ZNF281: variants seen among roughly 807,000 people sequenced by gnomAD.
ZNF281 encodes GC-box-binding zinc finger protein 1.
ZNF281 carries 2 observed loss-of-function variants against 58.8 expected under a neutral mutation model. The observed-to-expected ratio is 0.03, with a 90% CI of 0.01 to 0.11. The LOEUF is 0.11. Ranked by LOEUF, ZNF281 falls within the 10% of genes least tolerant of loss-of-function variation. ZNF281 has a pLI of 1.00. For synonymous variants in ZNF281, 465 were observed against 407.7 expected (o/e 1.14, Z -1.69); for missense variants, 975 against 1,090.7 (o/e 0.89, Z 1.49).
rs866680305 is a variant in ZNF281, at chr1:200,408,326, C to G, written c.1380G>C (p.Lys460Asn). The G allele has an allele frequency of 2.5e-6, 4 of 1,613,314 alleles. No individual in the cohort carries two copies. In the Middle Eastern group the frequency reaches 4.9e-4, roughly 200 times the overall value. The change falls in exon 2 of 2, where the codon AAG (lysine) becomes AAC (asparagine). Residue 460 changes from lysine (K) to asparagine (N), a missense_variant. Physicochemically the swap from Lys to Asn is moderately conservative, Grantham distance 94 (BLOSUM62 0). Coordinates refer to ENST00000367353, the MANE Select transcript of ZNF281 (RefSeq NM_001281293.2). Reference sequence around the variant, plus strand: ...TCTTAAAGATCAATTTTGGCACCCTCTTCTGCAGTTCATCTATTCCAGTGC... The same window carrying G: ...TCTTAAAGATCAATTTTGGCACCCTGTTCTGCAGTTCATCTATTCCAGTGC... ...IIGTGIDELQ[K>N]RVPKLIFKKG...
In ZNF281 at chr1:200,407,902, T is replaced by A; in HGVS notation, c.1804A>T (p.Ile602Phe). The change falls in exon 2 of 2, where the codon ATT becomes TTT. Residue 602 changes from isoleucine to phenylalanine, a missense_variant. Physicochemically the swap from Ile to Phe is conservative, Grantham distance 21 (BLOSUM62 0). Coordinates refer to ENST00000367353, the MANE Select transcript of ZNF281 (RefSeq NM_001281293.2). ...EIKSCHDKSG[I>F]PDEVLQSILD... The stretch of plus-strand genomic sequence containing the variant: ...ATACTTTGTAAAACCTCATCAGGAA[T>A]TCCAGACTTGTCATGACAAGATTTA... The A allele has an allele frequency of 6.2e-7, 1 of 1,614,144 alleles. No homozygotes were observed. The highest frequency in any genetic ancestry group is 8.5e-7 in the Non-Finnish European group (1 of 1,180,022).
rs760762849 is a variant in ZNF281 at position 200,407,659 on chromosome 1, T to C, written c.2047A>G (p.Ser683Gly). Residue 683 changes from serine to glycine, a missense_variant, in exon 2 of 2, where the codon AGT (serine) becomes GGT (glycine). By Grantham distance (56) the Ser-to-Gly change is moderately conservative. Transcript: ENST00000367353. ...TGGAAACCGTGTCCAAGAGTAAAAC[T>C]TGCATTAGTGGATTTTTCAAAAGCC... ...QQAFEKSTNA[S>G]FTLGHGFQFV... 3.6e-5 allele frequency: 58 copies of C among 1,614,064 alleles called. No individual in the cohort carries two copies. In the East Asian group the frequency reaches 1.1e-3, roughly 32 times the overall value.
rs771277297 is a variant in ZNF281 at position 200,407,614 on chromosome 1, G to A, written c.2092C>T (p.Pro698Ser). 2.7e-5 allele frequency: 44 copies of A among 1,614,114 alleles called. No individual in the cohort carries two copies. Among genetic ancestry groups the A allele is most frequent in the Non-Finnish European group, 3.6e-5 (43 of 1,180,042 alleles). Reference protein sequence around the residue: ...HGFQFVSLSSPLHNHTLFPEK... With the variant: ...HGFQFVSLSSSLHNHTLFPEK... The stretch of plus-strand genomic sequence containing the variant: ...GGAAACAAAGTGTGGTTGTGGAGAG[G>A]TGAAGACAAACTGACAAATTGGAAA... The change falls in exon 2 of 2, where the codon CCT becomes TCT. Residue 698 changes from proline (P) to serine (S), a missense_variant. Transcript: ENST00000367353.
chr1:200,407,149 A>G lies in ZNF281; in HGVS notation c.2557T>C (p.Ser853Pro). 1.2e-6 allele frequency: 2 copies of G among 1,614,134 alleles called. No homozygotes were observed. The highest frequency in any genetic ancestry group is 1.7e-6 in the Non-Finnish European group (2 of 1,180,026). ...SRVPMTFITN[S>P]NGEVDHRVRT... ...ACTCTATGGTCCACTTCTCCATTAG[A>G]GTTAGTGATAAAGGTCATTGGCACC... Residue 853 changes from serine (S) to proline (P), a missense_variant, in exon 2 of 2, where the codon TCT (serine) becomes CCT (proline). Physicochemically the swap from Ser to Pro is moderately conservative, Grantham distance 74. Coordinates refer to ENST00000367353, the MANE Select transcript of ZNF281 (RefSeq NM_001281293.2).
At position 200,406,759 on chromosome 1, in the gene ZNF281, C is replaced by A; in HGVS notation, c.*259G>T. On this transcript the variant is annotated 3_prime_UTR_variant, in exon 2 of 2. Coordinates refer to ENST00000367353, the MANE Select transcript of ZNF281 (RefSeq NM_001281293.2). ...TTAAAACATTTGGGCTATTCCCTGA[C>A]GATCTATACATGTAAATTTGATTGC... The A allele has an allele frequency of 3.6e-6, 1 of 280,596 alleles. No individual in the cohort carries two copies. The highest frequency in any genetic ancestry group is 6.5e-6 in the Non-Finnish European group (1 of 153,646). The allele number at this position is 280,596 out of a possible 1,614,324, so 17.4% of individuals were successfully genotyped here. A position where few individuals can be genotyped will look rare whatever the true frequency, so the allele number is the denominator to read the frequency against.
rs1210470293 is a variant in ZNF281 at position 200,409,680 on chromosome 1, C to G, written c.26G>C (p.Ser9Thr). 6.3e-7 allele frequency: 1 copy of G among 1,578,708 alleles called. No individual in the cohort carries two copies. The highest frequency in any genetic ancestry group is 8.6e-7 in the Non-Finnish European group (1 of 1,164,572). Residue 9 changes from serine to threonine, a missense_variant, in exon 2 of 2, where the codon AGT becomes ACT. Physicochemically the swap from Ser to Thr is moderately conservative, Grantham distance 58. Around this residue, in one of 3 missense-constraint regions of ZNF281, gnomAD observed 370 missense variants for 360.9 expected, o/e 1.03. Transcript: ENST00000367353. ...GCTACTGCCGGTACCTCCGCCGCCA[C>G]TCAGGAACCCACTGCCGATTTTCAT... Reference protein sequence around the residue: MKIGSGFLSGGGGTGSSGG... With the variant: MKIGSGFLTGGGGTGSSGG...
rs903414026 is a variant in ZNF281 at position 200,409,474 on chromosome 1, A to G, written c.232T>C (p.Leu78=). ...GGGGCTGCGGAGGTAGAGGAGGATA[A>G]CACGCATTGCGGGGGAGGGGCGGCC... ...GSAAPPPQCV[L]SSSTSAAPAA... is the part of the protein sequence containing the mutation. The change falls in exon 2 of 2, where the codon TTA becomes CTA. Residue 78 remains leucine, a synonymous_variant. Coordinates refer to ENST00000367353, the MANE Select transcript of ZNF281 (RefSeq NM_001281293.2). 5 of 1,546,480 alleles carry G rather than the reference A, an allele frequency of 3.2e-6. No homozygotes were observed. The Admixed American group carries it at 7.9e-5, about 24-fold the overall frequency.
At position 200,407,515 on chromosome 1, in the gene ZNF281, A is replaced by T. The variant is rs761488508; in HGVS notation, c.2191T>A (p.Ser731Thr). Residue 731 changes from serine (S) to threonine (T), a missense_variant, in exon 2 of 2, where the codon TCA (serine) becomes ACA (threonine). By Grantham distance (58) the Ser-to-Thr change is moderately conservative (BLOSUM62 1). This residue lies in a region of ZNF281 where 579 missense variants were observed against 608.9 expected (regional missense o/e 0.95). Coordinates refer to ENST00000367353, the MANE Select transcript of ZNF281 (RefSeq NM_001281293.2). ...ATCCCAAAAGGAGGCTTTGGCAATG[A>T]AGATGGCAACACTGAGGTAACAGAT... Reference protein sequence around the residue: ...GQSVTSVLPSSLPKPPFGMLF... With the variant: ...GQSVTSVLPSTLPKPPFGMLF... 5.0e-6 allele frequency: 8 copies of T among 1,614,208 alleles called. No homozygotes were observed. Among genetic ancestry groups the T allele is most frequent in the Non-Finnish European group, 6.8e-6 (8 of 1,180,040 alleles).
Position 200,406,929 on chromosome 1 carries a change from A to G in ZNF281, c.*89T>C. 8 of 1,294,842 alleles carry G rather than the reference A, an allele frequency of 6.2e-6. No homozygotes were observed. Among genetic ancestry groups the G allele is most frequent in the Non-Finnish European group, 8.4e-6 (8 of 951,914 alleles). The allele number at this position is 1,294,842 out of a possible 1,614,324, so 80.2% of individuals were successfully genotyped here. On this transcript the variant is annotated 3_prime_UTR_variant, in exon 2 of 2. Coordinates refer to ENST00000367353, the MANE Select transcript of ZNF281 (RefSeq NM_001281293.2). Reference sequence around the variant, plus strand: ...GAAAGGGCATCACATTATTCTTAATAGGATCGTGTAGAAACATTCCAATGG... The same window carrying G: ...GAAAGGGCATCACATTATTCTTAATGGGATCGTGTAGAAACATTCCAATGG...
Position 200,410,034 on chromosome 1 carries a change from A to C in ZNF281, c.-107T>G. Reference sequence around the variant, plus strand: ...CAATGGAATTAAAAGCCTCCCGTGTACTGCGCAGCCGCGGCGCAGTGTCTG... The same window carrying C: ...CAATGGAATTAAAAGCCTCCCGTGTCCTGCGCAGCCGCGGCGCAGTGTCTG... On this transcript the variant is annotated 5_prime_UTR_variant, in exon 1 of 2. Transcript: ENST00000367353. 1 of 425,020 alleles carries C rather than the reference A, an allele frequency of 2.4e-6. No individual in the cohort carries two copies. The highest frequency in any genetic ancestry group is 4.2e-6 in the Non-Finnish European group (1 of 236,610). 26.3% of individuals were successfully genotyped at this position (425,020 alleles called of 1,614,324 possible).
Position 200,408,523 on chromosome 1 carries a change from A to G in ZNF281, c.1183T>C (p.Ser395Pro). 9 of 1,614,206 alleles carry G rather than the reference A, an allele frequency of 5.6e-6. No individual in the cohort carries two copies. Among genetic ancestry groups the G allele is most frequent in the South Asian group, 2.2e-5 (2 of 91,074 alleles). The change falls in exon 2 of 2, where the codon TCT becomes CCT. Residue 395 changes from serine (S) to proline (P), a missense_variant. Ser to Pro is a moderately conservative substitution (Grantham distance 74, BLOSUM62 -1). This residue lies in a region of ZNF281 where 579 missense variants were observed against 608.9 expected (regional missense o/e 0.95). Transcript: ENST00000367353. ...CTTGAAGAACTTGTATTTCCCTGAG[A>G]CAACACAGCCAGATTACCCATATTG... ...HTNMGNLAVL[S>P]QGNTSSSRRK...
Position 200,407,796 on chromosome 1 carries a change from G to T in ZNF281, c.1910C>A (p.Thr637Asn). Residue 637 changes from threonine (T) to asparagine (N), a missense_variant, in exon 2 of 2, where the codon ACC becomes AAC. Thr to Asn is a moderately conservative substitution (Grantham distance 65). This residue lies in a region of ZNF281 where 579 missense variants were observed against 608.9 expected (regional missense o/e 0.95). Transcript: ENST00000367353. ...NIAEPRVDLH[T>N]SGEHSELVQE... ...AACCAATTCTGAGTGTTCTCCTGAGGTGTGTAAATCCACTCGTGGTTCTGC... is the reference window on the plus strand; with the variant it reads ...AACCAATTCTGAGTGTTCTCCTGAGTTGTGTAAATCCACTCGTGGTTCTGC... 1.2e-6 allele frequency: 2 copies of T among 1,614,150 alleles called. No homozygotes were observed. Among genetic ancestry groups the T allele is most frequent in the Non-Finnish European group, 1.7e-6 (2 of 1,180,032 alleles).
At chr1:200,409,775 G>A (rs1026819525) in intron 1 of ZNF281, 52 bp from the exon 2 acceptor site, 119 of 1,522,372 alleles carry the variant, frequency 7.8e-5, no homozygotes, top group Non-Finnish European at 9.7e-5. Flanking sequence ...GTGGAACCGG[G>A]CCCCGGGCCG....
Position 200,407,074 on chromosome 1 carries a change from C to T in ZNF281, c.2632G>A (p.Val878Ile), listed in dbSNP as rs764700174. 5 of 1,613,978 alleles carry T rather than the reference C, an allele frequency of 3.1e-6. No homozygotes were observed. Among genetic ancestry groups the T allele is most frequent in the East Asian group, 4.5e-5 (2 of 44,896 alleles). Residue 878 changes from valine (V) to isoleucine (I), a missense_variant, in exon 2 of 2, where the codon GTA (valine) becomes ATA (isoleucine). This residue lies in a region of ZNF281 where 579 missense variants were observed against 608.9 expected (regional missense o/e 0.95). Transcript: ENST00000367353. ...FSGYTNMMSD[V>I]SEPCSTRVKT... Reference sequence around the variant, plus strand: ...ACTCTTGTACTACATGGCTCACTTACATCAGACATCATATTTGTATACCCT... The same window carrying T: ...ACTCTTGTACTACATGGCTCACTTATATCAGACATCATATTTGTATACCCT...
In ZNF281 at chr1:200,408,452, C is replaced by T. The variant is rs1394016607; in HGVS notation, c.1254G>A (p.Gln418=). The stretch of plus-strand genomic sequence containing the variant: ...GCGATTCATTTGTTTTACCGGTCTT[C>T]TGTTCCTTATTTTCAATAGCTATGC... The part of the protein sequence containing the change: ...SKSIAIENKE[Q]KTGKTNESQI... The change falls in exon 2 of 2, where the codon CAG becomes CAA. Residue 418 remains glutamine (Q), a synonymous_variant. Coordinates refer to ENST00000367353, the MANE Select transcript of ZNF281 (RefSeq NM_001281293.2). 1 of 1,614,146 alleles carries T rather than the reference C, an allele frequency of 6.2e-7. No individual in the cohort carries two copies. Among genetic ancestry groups the T allele is most frequent in the Non-Finnish European group, 8.5e-7 (1 of 1,180,028 alleles).
chr1:200,408,563 C>T lies in ZNF281; in HGVS notation c.1143G>A (p.Gly381=), dbSNP rs1358462472. The T allele has an allele frequency of 6.2e-7, 1 of 1,614,184 alleles. No individual in the cohort carries two copies. The highest frequency in any genetic ancestry group is 1.7e-5 in the Admixed American group (1 of 60,022). ...IVKGATSAEP[G]SSNHTNMGNL... is the part of the protein sequence containing the mutation. ...TACCCATATTGGTATGGTTTGATGA[C>T]CCAGGTTCTGCACTAGTGGCTCCTT... is the stretch of plus-strand genomic sequence containing the variant. Residue 381 remains glycine (G), a synonymous_variant, in exon 2 of 2, where the codon GGG becomes GGA. Transcript: ENST00000367353.
chr1:200,407,289 G>A lies in ZNF281; in HGVS notation c.2417C>T (p.Pro806Leu), dbSNP rs1432801690. 2 of 1,614,026 alleles carry A rather than the reference G, an allele frequency of 1.2e-6. No individual in the cohort carries two copies. The highest frequency in any genetic ancestry group is 3.3e-5 in the Admixed American group (2 of 60,000). Residue 806 changes from proline (P) to leucine (L), a missense_variant, in exon 2 of 2, where the codon CCA becomes CTA. Physicochemically the swap from Pro to Leu is moderately conservative, Grantham distance 98. Transcript: ENST00000367353. ...NLESSTGFQIPSQELASQIDP... is the reference protein window; with the variant it reads ...NLESSTGFQILSQELASQIDP... ...TATCTGGCTAGCTAACTCCTGAGAT[G>A]GAATCTGAAAGCCTGTTGAAGACTC...
chr1:200,406,931 G>A lies in ZNF281; in HGVS notation c.*87C>T. On this transcript the variant is annotated 3_prime_UTR_variant, in exon 2 of 2. Coordinates refer to ENST00000367353, the MANE Select transcript of ZNF281 (RefSeq NM_001281293.2). ...AAGGGCATCACATTATTCTTAATAG[G>A]ATCGTGTAGAAACATTCCAATGGCA... 1.5e-6 allele frequency: 2 copies of A among 1,317,060 alleles called. No individual in the cohort carries two copies. Among genetic ancestry groups the A allele is most frequent in the Admixed American group, 2.4e-5 (1 of 41,948 alleles). 81.6% of individuals were successfully genotyped at this position (1,317,060 alleles called of 1,614,324 possible).
At position 200,407,775 on chromosome 1, in the gene ZNF281, A is replaced by G. The variant is rs1398008665; in HGVS notation, c.1931T>C (p.Leu644Ser). ...DLHTSGEHSE[L>S]VQEENLSPGT... is the part of the protein sequence containing the mutation. ...TGGGCTCAAATTTTCTTCTTGAACCAATTCTGAGTGTTCTCCTGAGGTGTG... is the reference window on the plus strand; with the variant it reads ...TGGGCTCAAATTTTCTTCTTGAACCGATTCTGAGTGTTCTCCTGAGGTGTG... The change falls in exon 2 of 2, where the codon TTG becomes TCG. Residue 644 changes from leucine to serine, a missense_variant. Around this residue, in one of 3 missense-constraint regions of ZNF281, gnomAD observed 579 missense variants for 608.9 expected, o/e 0.95. Transcript: ENST00000367353. 6.2e-7 allele frequency: 1 copy of G among 1,614,132 alleles called. No individual in the cohort carries two copies. Among genetic ancestry groups the G allele is most frequent in the Non-Finnish European group, 8.5e-7 (1 of 1,180,016 alleles).
Sources: gnomAD v4.1 joint callset for allele counts on GRCh38, gnomAD v4.1.1 for gene constraint, gnomAD v4.1.1 regional missense constraint, MANE v1.5 for transcripts, NCBI Gene and HGNC (gene_info 2026-07-23, HGNC 2026-07-21) for gene names.